Variants in SLC22A16 observed in about 807,000 individuals in gnomAD.
The protein encoded by SLC22A16 is solute carrier family 22 member 16, also known as WUGSC:RG331P03.1.
SLC22A16 carries 53 observed loss-of-function variants against 52.9 expected under a neutral mutation model. The observed-to-expected ratio is 1.00, with a 90% CI of 0.80 to 1.26. The LOEUF (loss-of-function observed/expected upper bound fraction) is 1.26. Among genes scored for constraint, SLC22A16 ranks in the 50% most tolerant of loss-of-function variants. The pLI is 0.00. For missense variants in SLC22A16, 726 were observed against 704.0 expected (o/e 1.03, Z -0.35); for synonymous variants, 291 against 268.8 (o/e 1.08, Z -0.81).
chr6:110,473,492 T>A (rs1030725406), intron 1 of SLC22A16, among the ~76,000 whole-genome samples: 1 of 2,000 alleles, frequency 5.0e-4, no homozygotes, highest in Non-Finnish European at 2.3e-3. Context: ...CTGTTTTCCC[T>A]TTTTTTTTTT....
intron 6 of SLC22A16, among the ~76,000 whole-genome samples, chr6:110,433,677 T>C (rs1774599192): frequency 6.6e-6 from 1 of 152,256 alleles, no homozygotes; most frequent in Non-Finnish European, 1.5e-5. Context: ...ATCTTGTTTG[T>C]TTATTTGTTG....
chr6:110,446,896 C>G lies in SLC22A16; in HGVS notation c.628G>C (p.Ala210Pro). 6.2e-7 allele frequency: 1 copy of G among 1,613,322 alleles called. No individual in the cohort carries two copies. The highest frequency in any genetic ancestry group is 8.5e-7 in the Non-Finnish European group (1 of 1,179,742). Residue 210 changes from alanine to proline, a missense_variant, in exon 3 of 8, where the codon GCT becomes CCT. Ala to Pro is a conservative substitution (Grantham distance 27). Coordinates refer to ENST00000368919, the MANE Select transcript of SLC22A16 (RefSeq NM_033125.4). ...ACCATGGCAAGAAAAAAGCGAGCAG[C>G]CATGAAGGTGTAATAATCAACTGCA... ...AFAVDYYTFM[A>P]ARFFLAMVAS...
chr6:110,458,188 G>A (rs917758385), intron 1 of SLC22A16, among the ~76,000 whole-genome samples: 11 of 152,122 alleles, frequency 7.2e-5, no homozygotes, highest in African/African-American at 2.7e-4. Flanking sequence ...GCCAAACAGG[G>A]AAGGGCCCCC....
In SLC22A16 at chr6:110,431,234, G is replaced by C. The variant is rs759248272; in HGVS notation, c.1458C>G (p.Arg486=). The C allele has an allele frequency of 5.0e-6, 8 of 1,613,296 alleles. No homozygotes were observed. Among genetic ancestry groups the C allele is most frequent in the Non-Finnish European group, 6.8e-6 (8 of 1,180,008 alleles). The change falls in exon 7 of 8, where the codon CGC becomes CGG. Residue 486 remains arginine (R), a synonymous_variant. Transcript: ENST00000368919. ...LAVGSGSMVC[R]LASILAPFSV... The stretch of plus-strand genomic sequence containing the variant: ...AGAACGGCGCCAGGATGCTGGCCAG[G>C]CGACACACCATGCTGCCGCTTCCCA...
At position 110,476,542 on chromosome 6, in the gene SLC22A16, G is replaced by C. The variant is rs1001895189; in HGVS notation, c.33C>G (p.Asp11Glu). 9.1e-6 allele frequency: 14 copies of C among 1,542,532 alleles called. No homozygotes were observed. Among genetic ancestry groups the C allele is most frequent in the Non-Finnish European group, 1.2e-5 (14 of 1,146,922 alleles). Residue 11 changes from aspartate (D) to glutamate (E), a missense_variant, in exon 1 of 8, where the codon GAC becomes GAG. Asp to Glu is a conservative substitution (Grantham distance 45). Transcript: ENST00000368919. MGSRHFEGIYDHVGHFGRFQR... is the reference protein window; with the variant it reads MGSRHFEGIYEHVGHFGRFQR... Reference sequence around the variant, plus strand: ...CATACCTGCCGAAGTGCCCCACGTGGTCATAAATCCCCTCGAAGTGGCGGG... The same window carrying C: ...CATACCTGCCGAAGTGCCCCACGTGCTCATAAATCCCCTCGAAGTGGCGGG...
rs758581075 is a variant in SLC22A16 at position 110,454,327 on chromosome 6, G to T, written c.533+2211C>A. Reference sequence around the variant, plus strand: ...GAGGCTGTCTCTTTCAACAAATTCCGCCGAGAGAATACAGACACTGGGAGT... The same window carrying T: ...GAGGCTGTCTCTTTCAACAAATTCCTCCGAGAGAATACAGACACTGGGAGT... On this transcript the variant is annotated intron_variant, in intron 2 of 7. Coordinates refer to ENST00000368919, the MANE Select transcript of SLC22A16 (RefSeq NM_033125.4). 2.6e-5 allele frequency among the ~76,000 whole-genome samples: 4 copies of T among 151,404 alleles called. No homozygotes were observed. The South Asian group carries it at 8.4e-4, about 32-fold the overall frequency.
At chr6:110,440,970 T>C (rs1774942309) in intron 4 of SLC22A16, among the ~76,000 whole-genome samples, 1 of 152,184 alleles carries the variant, frequency 6.6e-6, no homozygotes, top group South Asian at 2.1e-4. Context: ...TCTGCTGAAA[T>C]TGAAGCAAGA....
At chr6:110,436,155 G>A (rs1774720480) in intron 5 of SLC22A16, among the ~76,000 whole-genome samples, 194 bp from the exon 6 acceptor site, 1 of 152,156 alleles carries the variant, frequency 6.6e-6, no homozygotes, top group African/African-American at 2.4e-5. Context: ...TACGAAATGT[G>A]GAGGAAAGTT....
At chr6:110,436,978 A>G (rs1774760600) in intron 5 of SLC22A16, among the ~76,000 whole-genome samples, 2 of 152,118 alleles carry the variant, frequency 1.3e-5, no homozygotes, top group African/African-American at 4.8e-5. Flanking sequence ...CTGTCAGCCT[A>G]CATCCCTGAA....
At chr6:110,468,504 G>A (rs1340377300) in intron 1 of SLC22A16, among the ~76,000 whole-genome samples, 1 of 152,068 alleles carries the variant, frequency 6.6e-6, no homozygotes, top group East Asian at 1.9e-4. Context: ...AAACTAGCCA[G>A]GCATAGTGGC....
At chr6:110,429,255 G>T (rs1774399549) in intron 7 of SLC22A16, among the ~76,000 whole-genome samples, 1 of 152,120 alleles carries the variant, frequency 6.6e-6, no homozygotes, top group Admixed American at 6.5e-5. Context: ...AGCCCACATG[G>T]TTTCTTAACC....
chr6:110,450,611 C>CAAAAAAAA (rs35567505), intron 2 of SLC22A16, among the ~76,000 whole-genome samples: 2 of 48,736 alleles, frequency 4.1e-5, no homozygotes, highest in African/African-American at 7.0e-5. Context: ...GACATCTTCT[C>CAAAAAAAA]AAAAAAAAAA....
Position 110,476,605 on chromosome 6 carries a change from C to T in SLC22A16, c.-31G>A. ...GGCCGTGCACTGGGCGCCGAGTTAG[C>T]CGAGCTCCGGGGACTGCGGGTAGCG... On this transcript the variant is annotated 5_prime_UTR_variant, in exon 1 of 8. Transcript: ENST00000368919. 1 of 1,522,218 alleles carries T rather than the reference C, an allele frequency of 6.6e-7. No individual in the cohort carries two copies. The highest frequency in any genetic ancestry group is 8.8e-7 in the Non-Finnish European group (1 of 1,136,038). 94.3% of individuals were successfully genotyped at this position (1,522,218 alleles called of 1,614,324 possible).
At position 110,425,003 on chromosome 6, in the gene SLC22A16, G is replaced by C. The variant is rs746049823; in HGVS notation, c.1604C>G (p.Thr535Ser). 36 of 1,614,168 alleles carry C rather than the reference G, an allele frequency of 2.2e-5. No homozygotes were observed. Among genetic ancestry groups the C allele is most frequent in the Non-Finnish European group, 3.0e-5 (35 of 1,180,042 alleles). ...PETLGKRLAT[T>S]WEEAAKLESE... is the part of the protein sequence containing the mutation. ...CTCCAGTTTTGCAGCCTCCTCCCAAGTAGTTGCTAGCCGTTTCCCAAGGGT... is the reference window on the plus strand; with the variant it reads ...CTCCAGTTTTGCAGCCTCCTCCCAACTAGTTGCTAGCCGTTTCCCAAGGGT... The change falls in exon 8 of 8, where the codon ACT becomes AGT. Residue 535 changes from threonine (T) to serine (S), a missense_variant. Transcript: ENST00000368919.
At chr6:110,458,599 C>T (rs1775755250) in intron 1 of SLC22A16, among the ~76,000 whole-genome samples, 2 of 152,150 alleles carry the variant, frequency 1.3e-5, no homozygotes, top group Admixed American at 1.3e-4. Context: ...AAGGGAAGCC[C>T]AGATAGCTGG....
chr6:110,459,465 G>C (rs184454845), intron 1 of SLC22A16, among the ~76,000 whole-genome samples: 5 of 152,200 alleles, frequency 3.3e-5, no homozygotes, highest in African/African-American at 9.6e-5. Flanking sequence ...CCAGATTGGG[G>C]GTCATCTACA....
At position 110,424,926 on chromosome 6, in the gene SLC22A16, C is replaced by T; in HGVS notation, c.1681G>A (p.Gly561Arg). Residue 561 changes from glycine to arginine, a missense_variant, in exon 8 of 8, where the codon GGG becomes AGG. Gly to Arg is a moderately radical substitution (Grantham distance 125, BLOSUM62 -2). Coordinates refer to ENST00000368919, the MANE Select transcript of SLC22A16 (RefSeq NM_033125.4). The part of the protein sequence containing the change: ...SKLLLTTNNS[G>R]LEKTEAITPR... The stretch of plus-strand genomic sequence containing the variant: ...GTAATCGCTTCCGTTTTTTCCAGCC[C>T]ACTATTATTAGTTGTGAGAAGTAAT... The T allele has an allele frequency of 6.2e-7, 1 of 1,614,104 alleles. No individual in the cohort carries two copies. Among genetic ancestry groups the T allele is most frequent in the Non-Finnish European group, 8.5e-7 (1 of 1,180,036 alleles).
At chr6:110,470,988 C>T (rs1033356250) in intron 1 of SLC22A16, among the ~76,000 whole-genome samples, 1 of 152,164 alleles carries the variant, frequency 6.6e-6, no homozygotes, top group African/African-American at 2.4e-5. Context: ...TTTGTTATAA[C>T]CATTTTGCAA....
intron 1 of SLC22A16, among the ~76,000 whole-genome samples, chr6:110,459,108 G>A (rs1025535617): frequency 6.6e-6 from 1 of 152,060 alleles, no homozygotes; most frequent in African/African-American, 2.4e-5. Flanking sequence ...ATAAAAGAGG[G>A]AGAAGAGACC....
Sources: allele counts gnomAD v4.1 joint callset (sites outside exome capture counted in the v4.1 genomes callset), GRCh38; gene constraint gnomAD v4.1.1; transcripts MANE v1.5; gene names NCBI Gene and HGNC (gene_info 2026-07-23, HGNC 2026-07-21).